Variants in RPAP2 observed in about 807,000 individuals in gnomAD.
RPAP2 encodes the protein RNA polymerase II associated protein 2.
Under a neutral mutation model 73.1 loss-of-function variants are expected in RPAP2, and 52 were observed. The observed-to-expected ratio is 0.71, with a 90% CI of 0.57 to 0.90. The LOEUF is 0.90. Ranked by LOEUF, RPAP2 falls within the 40% of genes least tolerant of loss-of-function variation. The probability of loss-of-function intolerance (pLI) is 0.00; values close to 1 mark genes in which losing one functional copy is unlikely to be tolerated. For synonymous variants in RPAP2, 225 were observed against 242.1 expected (o/e 0.93, Z 0.65); for missense variants, 598 against 701.8 (o/e 0.85, Z 1.67).
intron 11 of RPAP2, among the ~76,000 whole-genome samples, chr1:92,352,110 T>C (rs1012737999): frequency 3.9e-5 from 6 of 152,224 alleles, no homozygotes; most frequent in Non-Finnish European, 8.8e-5. Flanking sequence ...AATGGAAAGC[T>C]TTCAAGACCA....
chr1:92,358,881 C>T (rs946835347), intron 11 of RPAP2, among the ~76,000 whole-genome samples: 1 of 152,144 alleles, frequency 6.6e-6, no homozygotes, highest in East Asian at 1.9e-4. Context: ...GCCACCATGC[C>T]CAGCCTATTC....
At chr1:92,373,036 C>T (rs1030364434) in intron 11 of RPAP2, among the ~76,000 whole-genome samples, 3 of 152,240 alleles carry the variant, frequency 2.0e-5, no homozygotes, top group Non-Finnish European at 1.5e-5. Context: ...TACAGTGTAA[C>T]AGGCACGACG....
chr1:92,307,220 T>G lies in RPAP2; in HGVS notation c.432T>G (p.Ser144=), dbSNP rs1490252808. The change falls in exon 6 of 13, where the codon TCT becomes TCG. Residue 144 remains serine, a synonymous_variant. Coordinates refer to ENST00000610020, the MANE Select transcript of RPAP2 (RefSeq NM_024813.3). ...SFCSNFCYQA[S]KFFEAQIPKT... Reference sequence around the variant, plus strand: ...GCAGCAATTTTTGTTATCAAGCATCTAAGTTTTTTGAAGCACAAATTCCCA... The same window carrying G: ...GCAGCAATTTTTGTTATCAAGCATCGAAGTTTTTTGAAGCACAAATTCCCA... The G allele has an allele frequency of 4.3e-6, 7 of 1,612,154 alleles. No homozygotes were observed. The highest frequency in any genetic ancestry group is 1.3e-5 in the African/African-American group (1 of 74,860).
In RPAP2 at chr1:92,330,596, C is replaced by T. The variant is rs185968122; in HGVS notation, c.1456-2795C>T. Among the ~76,000 whole-genome samples the T allele has an allele frequency of 2.6e-4, 39 of 151,578 alleles. 1 individual carries two copies. The highest frequency in any genetic ancestry group is 9.2e-4 in the African/African-American group (38 of 41,318). On this transcript the variant is annotated intron_variant, in intron 8 of 12. Transcript: ENST00000610020. Reference sequence around the variant, plus strand: ...CCAAGTAGCTGGGATTACAGGCACCCGTGCCATGCCTGCCTAACTTTTGTA... The same window carrying T: ...CCAAGTAGCTGGGATTACAGGCACCTGTGCCATGCCTGCCTAACTTTTGTA...
intron 6 of RPAP2, among the ~76,000 whole-genome samples, chr1:92,316,948 G>C (rs547056528): frequency 1.3e-5 from 2 of 152,256 alleles, no homozygotes; most frequent in South Asian, 4.1e-4. Flanking sequence ...AGATAGTTAA[G>C]ATCTAGAAAC....
chr1:92,330,439 A>ATTTTTTT (rs35101382), intron 8 of RPAP2, among the ~76,000 whole-genome samples: 2 of 61,460 alleles, frequency 3.3e-5, no homozygotes, highest in African/African-American at 1.4e-4. Flanking sequence ...TGGGTTGTCA[A>ATTTTTTT]TTTTTTTTTT....
intron 8 of RPAP2, among the ~76,000 whole-genome samples, chr1:92,327,705 G>T (rs1418444444): frequency 6.7e-6 from 1 of 149,018 alleles, no homozygotes; most frequent in Non-Finnish European, 1.5e-5. Context: ...GCTATTTGTT[G>T]CCTGAACAGC....
chr1:92,348,778 T>A (rs1654046776), intron 11 of RPAP2, among the ~76,000 whole-genome samples: 1 of 152,214 alleles, frequency 6.6e-6, no homozygotes, highest in Admixed American at 6.5e-5. Flanking sequence ...AAAACTCCAT[T>A]GACTTCTATA....
At chr1:92,321,892 A>G (rs916388094) in intron 7 of RPAP2, among the ~76,000 whole-genome samples, 2 of 151,184 alleles carry the variant, frequency 1.3e-5, no homozygotes, top group African/African-American at 4.9e-5. Flanking sequence ...ATCTAAACAC[A>G]ATTCCTGTAA....
chr1:92,358,243 A>G (rs906521282), intron 11 of RPAP2, among the ~76,000 whole-genome samples: 3 of 152,066 alleles, frequency 2.0e-5, no homozygotes, highest in African/African-American at 7.2e-5. Context: ...GCCTCATCTC[A>G]CACCATCCTA....
rs1356187376 is a variant in RPAP2, at chr1:92,391,430, G to C, written c.*4419G>C. 1.3e-5 allele frequency: 2 copies of C among 152,114 alleles called. No homozygotes were observed. The highest frequency in any genetic ancestry group is 4.8e-5 in the African/African-American group (2 of 41,420). 9.4% of individuals were successfully genotyped at this position (152,114 alleles called of 1,614,324 possible). A position where few individuals can be genotyped will look rare whatever the true frequency, so the allele number is the denominator to read the frequency against. ...CACTAAATGCCCACAAGTGAAAGCA[G>C]GAGTGATCTAAAATCAACACCCTAA... On this transcript the variant is annotated 3_prime_UTR_variant, in exon 13 of 13. Coordinates refer to ENST00000610020, the MANE Select transcript of RPAP2 (RefSeq NM_024813.3).
At chr1:92,336,629 A>G (rs1653295285) in intron 10 of RPAP2, among the ~76,000 whole-genome samples, 1 of 152,130 alleles carries the variant, frequency 6.6e-6, no homozygotes, top group Non-Finnish European at 1.5e-5. Context: ...GCCATTATAT[A>G]TTTCACTTTG....
chr1:92,316,250 T>C (rs1009284384), intron 6 of RPAP2, among the ~76,000 whole-genome samples: 7 of 152,160 alleles, frequency 4.6e-5, no homozygotes, highest in Non-Finnish European at 1.0e-4. Flanking sequence ...CAGTAAACAG[T>C]AGAATCTCAG....
chr1:92,305,668 GAC>G (rs939437426), intron 5 of RPAP2, among the ~76,000 whole-genome samples: 2 of 151,588 alleles, frequency 1.3e-5, no homozygotes, highest in African/African-American at 4.8e-5. Flanking sequence ...ATAAGAAAAA[GAC>G]AGACAAACTA....
chr1:92,393,603 C>G lies in RPAP2; in HGVS notation c.*6592C>G, dbSNP rs1203639456. The G allele has an allele frequency of 1.3e-5, 2 of 152,172 alleles. No homozygotes were observed. Among genetic ancestry groups the G allele is most frequent in the African/African-American group, 4.8e-5 (2 of 41,434 alleles). 9.4% of individuals were successfully genotyped at this position (152,172 alleles called of 1,614,324 possible). A position where few individuals can be genotyped will look rare whatever the true frequency, so the allele number is the denominator to read the frequency against. ...CTGACAAAGGGCTAATATCCAGAAT[C>G]TACAAAGAACTTAAACAAATTTACA... On this transcript the variant is annotated 3_prime_UTR_variant, in exon 13 of 13. Coordinates refer to ENST00000610020, the MANE Select transcript of RPAP2 (RefSeq NM_024813.3).
intron 9 of RPAP2, among the ~76,000 whole-genome samples, chr1:92,335,068 A>G (rs1398475342): frequency 6.6e-6 from 1 of 152,158 alleles, no homozygotes; most frequent in Non-Finnish European, 1.5e-5. Context: ...TCGCTTGAGC[A>G]CGAGAGTTTG....
At chr1:92,378,710 G>A (rs1049287962) in intron 11 of RPAP2, among the ~76,000 whole-genome samples, 13 of 152,144 alleles carry the variant, frequency 8.5e-5, no homozygotes, top group African/African-American at 2.6e-4. Flanking sequence ...TTAGCTTCTC[G>A]GTTCCATCTT....
intron 11 of RPAP2, among the ~76,000 whole-genome samples, chr1:92,371,950 A>G (rs1655174990): frequency 6.6e-6 from 1 of 151,984 alleles, no homozygotes; most frequent in South Asian, 2.1e-4. Context: ...ACACCTAGAA[A>G]GCAATAAATA....
At chr1:92,338,686 A>C (rs1653421617) in intron 10 of RPAP2, among the ~76,000 whole-genome samples, 1 of 145,554 alleles carries the variant, frequency 6.9e-6, no homozygotes, top group African/African-American at 2.6e-5. Context: ...GGTCTTGCTC[A>C]GTTGCCCAGG....
Sources: allele counts gnomAD v4.1 joint callset (sites outside exome capture counted in the v4.1 genomes callset), GRCh38; gene constraint gnomAD v4.1.1; transcripts MANE v1.5; gene names NCBI Gene and HGNC (gene_info 2026-07-23, HGNC 2026-07-21).